RPS6KA2: variants seen among roughly 807,000 people sequenced by gnomAD.
The protein encoded by RPS6KA2 is ribosomal protein S6 kinase alpha-2.
RPS6KA2 carries 42 observed loss-of-function variants against 91.8 expected under a neutral mutation model. That is an observed-to-expected ratio of 0.46 (90% CI 0.36 to 0.59). RPS6KA2 has a LOEUF of 0.59. Among genes scored for constraint, RPS6KA2 ranks in the 20% least tolerant of loss-of-function variants. RPS6KA2 has a pLI of 0.00. For synonymous variants in RPS6KA2, 414 were observed against 393.6 expected (o/e 1.05, Z -0.61); for missense variants, 798 against 978.5 (o/e 0.82, Z 2.46).
At chr6:166,478,317 C>T (rs936487717) in intron 10 of RPS6KA2, among the ~76,000 whole-genome samples, 1 of 152,170 alleles carries the variant, frequency 6.6e-6, no homozygotes, top group Non-Finnish European at 1.5e-5. Context: ...CACAGATTTC[C>T]ATCATAAAAG....
chr6:166,850,986 G>T (rs1350494371), intron 2 of RPS6KA2, among the ~76,000 whole-genome samples: 1 of 152,244 alleles, frequency 6.6e-6, no homozygotes, highest in Non-Finnish European at 1.5e-5. Flanking sequence ...AAGGGTTCTA[G>T]GAGGAGAAAA....
chr6:166,475,211 A>G (rs1190496505), intron 10 of RPS6KA2, among the ~76,000 whole-genome samples: 2 of 152,048 alleles, frequency 1.3e-5, no homozygotes, highest in Non-Finnish European at 2.9e-5. Context: ...CAGCCACCCC[A>G]GGGTCTTTCT....
intron 1 of RPS6KA2, chr6:166,862,052 T>TGCA: frequency 6.2e-7 from 1 of 1,611,724 alleles, no homozygotes; most frequent in South Asian, 1.1e-5. Flanking sequence ...ATGCATTGGC[T>TGCA]GCAGAGTTCG....
At chr6:166,625,323 A>ACCCCCC (rs1338733933) in intron 1 of RPS6KA2, among the ~76,000 whole-genome samples, 18 of 30,386 alleles carry the variant, frequency 5.9e-4, no homozygotes, top group African/African-American at 1.8e-3. Context: ...TATTCCCACC[A>ACCCCCC]CCCCCCCACC....
chr6:166,813,213 C>A (rs534274661), intron 2 of RPS6KA2, among the ~76,000 whole-genome samples: 1 of 152,062 alleles, frequency 6.6e-6, no homozygotes, highest in African/African-American at 2.4e-5. Flanking sequence ...AAGCGGAAGC[C>A]AGCACACGTG....
chr6:166,465,536 GCTT>G (rs1220598341), intron 11 of RPS6KA2, among the ~76,000 whole-genome samples: 3 of 152,192 alleles, frequency 2.0e-5, no homozygotes, highest in Admixed American at 2.0e-4. Context: ...GATGTTGACA[GCTT>G]CTAAGACCAT....
At chr6:166,813,309 A>G (rs1225333439) in intron 2 of RPS6KA2, among the ~76,000 whole-genome samples, 1 of 152,188 alleles carries the variant, frequency 6.6e-6, no homozygotes, top group Non-Finnish European at 1.5e-5. Flanking sequence ...CAAACCTCAC[A>G]TTGTTGCTTC....
chr6:166,515,507 C>G (rs1335741888), intron 3 of RPS6KA2, among the ~76,000 whole-genome samples: 2 of 152,134 alleles, frequency 1.3e-5, no homozygotes, highest in Non-Finnish European at 2.9e-5. Context: ...TTTTATTAAC[C>G]ATGACTGCAG....
chr6:166,453,842 A>T (rs75710556), intron 12 of RPS6KA2, among the ~76,000 whole-genome samples: 1,622 of 152,372 alleles, frequency 0.011, 34 homozygotes, highest in African/African-American at 0.037. Flanking sequence ...AATGTGGTAC[A>T]TATACGCAAT....
chr6:166,678,408 G>T (rs1009422573), intron 2 of RPS6KA2, among the ~76,000 whole-genome samples: 5 of 152,220 alleles, frequency 3.3e-5, no homozygotes, highest in Non-Finnish European at 5.9e-5. Context: ...ACCGCAGAAG[G>T]TTGCCTTCTA....
intron 1 of RPS6KA2, among the ~76,000 whole-genome samples, chr6:166,621,299 C>A (rs532473081): frequency 1.6e-4 from 24 of 152,230 alleles, no homozygotes; most frequent in Admixed American, 1.0e-3. Context: ...TTGTCCTCCA[C>A]GCCCTGATAT....
At chr6:166,735,795 G>A (rs1790657343) in intron 2 of RPS6KA2, among the ~76,000 whole-genome samples, 1 of 152,202 alleles carries the variant, frequency 6.6e-6, no homozygotes, top group East Asian at 1.9e-4. Flanking sequence ...TCACTCACCT[G>A]CCACTCACCT....
chr6:166,679,723 C>T (rs776182985), intron 2 of RPS6KA2, among the ~76,000 whole-genome samples: 6 of 152,210 alleles, frequency 3.9e-5, no homozygotes, highest in Admixed American at 2.6e-4. Flanking sequence ...TGGCCGAGGC[C>T]GGAGCCGGCT....
At chr6:166,534,511 A>T (rs1484956229) in intron 2 of RPS6KA2, among the ~76,000 whole-genome samples, 1 of 152,222 alleles carries the variant, frequency 6.6e-6, no homozygotes, top group Non-Finnish European at 1.5e-5. Context: ...CATAAGAAGT[A>T]CGACCGTATA....
intron 1 of RPS6KA2, among the ~76,000 whole-genome samples, chr6:166,589,315 C>T (rs1418796393): frequency 1.3e-5 from 2 of 152,184 alleles, no homozygotes; most frequent in Non-Finnish European, 2.9e-5. Flanking sequence ...CTCATTTTCA[C>T]ATAAAGAAAG....
At chr6:166,831,968 ACGTAGAT>A (rs1332648839) in intron 2 of RPS6KA2, among the ~76,000 whole-genome samples, 1 of 152,062 alleles carries the variant, frequency 6.6e-6, no homozygotes, top group East Asian at 1.9e-4. Context: ...ATAGATACAT[ACGTAGAT>A]AATAGATACA....
chr6:166,757,411 C>T, intron 2 of RPS6KA2: 1 of 427,528 alleles, frequency 2.3e-6, no homozygotes, highest in Non-Finnish European at 4.7e-6. Context: ...TTCCACTCCG[C>T]CCAGAAAACA....
Position 166,412,505 on chromosome 6 carries a change from A to C in RPS6KA2, c.*257T>G. The stretch of plus-strand genomic sequence containing the variant: ...AAGAAGCCCCCGGCCTCGCACGGGC[A>C]CGCGAGGTGAAGGGGCGCATTTGGT... On this transcript the variant is annotated 3_prime_UTR_variant, in exon 21 of 21. Coordinates refer to ENST00000265678, the MANE Select transcript of RPS6KA2 (RefSeq NM_021135.6). This position sits in a 1 kb window ranked among gnomAD's most constrained non-coding sequence, Gnocchi z 4.3. 1 of 324,584 alleles carries C rather than the reference A, an allele frequency of 3.1e-6. No homozygotes were observed. The highest frequency in any genetic ancestry group is 5.7e-6 in the Non-Finnish European group (1 of 176,722). 20.1% of individuals were successfully genotyped at this position (324,584 alleles called of 1,614,324 possible).
intron 16 of RPS6KA2, among the ~76,000 whole-genome samples, chr6:166,425,704 A>G (rs1778888528): frequency 6.7e-6 from 1 of 149,594 alleles, no homozygotes; most frequent in African/African-American, 2.6e-5. Context: ...AGAGACAAAG[A>G]AGGCCATTAC....
Sources: allele counts gnomAD v4.1 joint callset (sites outside exome capture counted in the v4.1 genomes callset), GRCh38; gene constraint gnomAD v4.1.1; non-coding constraint Gnocchi (gnomAD v3.1); transcripts MANE v1.5; gene names NCBI Gene and HGNC (gene_info 2026-07-23, HGNC 2026-07-21).